The following PTPN3 variants were observed in gnomAD, a reference collection of about 807,000 sequenced individuals.
The protein encoded by PTPN3 is protein tyrosine phosphatase non-receptor type 3.
In PTPN3, 96 loss-of-function variants were observed where a neutral mutation model predicts 132.7. That is an observed-to-expected ratio of 0.72 (90% CI 0.61 to 0.86). The LOEUF (loss-of-function observed/expected upper bound fraction) is 0.86, where lower values mean the gene tolerates loss of function less well. PTPN3 is among the 40% of genes least tolerant of loss of function. The pLI is 0.00. For synonymous variants in PTPN3, 398 were observed against 429.0 expected (o/e 0.93, Z 0.89); for missense variants, 1,125 against 1,159.6 (o/e 0.97, Z 0.43).
At chr9:109,460,007 C>T (rs1845761892) in intron 2 of PTPN3, among the ~76,000 whole-genome samples, 1 of 152,066 alleles carries the variant, frequency 6.6e-6, no homozygotes, top group African/African-American at 2.4e-5. Flanking sequence ...CCAGCCTGGA[C>T]CCATCCCCTA....
chr9:109,425,324 G>T (rs924378212), intron 12 of PTPN3, among the ~76,000 whole-genome samples: 1 of 152,184 alleles, frequency 6.6e-6, no homozygotes, highest in African/African-American at 2.4e-5. Context: ...CCACCTATCA[G>T]AAAGATAATG....
At chr9:109,479,949 A>G (rs549610798) in intron 1 of PTPN3, among the ~76,000 whole-genome samples, 6 of 152,278 alleles carry the variant, frequency 3.9e-5, no homozygotes, top group Middle Eastern at 3.4e-3. Context: ...ACCACAATAT[A>G]AGAGGGTTAC....
chr9:109,395,820 C>CTA (rs1840543674), intron 19 of PTPN3, among the ~76,000 whole-genome samples: 1 of 146,450 alleles, frequency 6.8e-6, no homozygotes, highest in African/African-American at 2.5e-5. Context: ...CTCTCTCTCT[C>CTA]TATATATATG....
chr9:109,401,692 G>A (rs1427229581), intron 19 of PTPN3, among the ~76,000 whole-genome samples: 1 of 152,160 alleles, frequency 6.6e-6, no homozygotes, highest in African/African-American at 2.4e-5. Context: ...CTGAAGGACG[G>A]TGGTCACCTA....
At chr9:109,476,071 A>G (rs1037211555) in intron 1 of PTPN3, among the ~76,000 whole-genome samples, 5 of 152,300 alleles carry the variant, frequency 3.3e-5, no homozygotes, top group Admixed American at 1.3e-4. Flanking sequence ...AGCCCTCTAA[A>G]GCTTTTTCCA....
At chr9:109,515,618 G>A in the PTPN3 span, among the ~76,000 whole-genome samples, 3 of 152,150 alleles carry the variant, frequency 2.0e-5, no homozygotes, top group African/African-American at 7.2e-5. Flanking sequence ...GGTTCTGCAG[G>A]CTGTACAAGA....
At chr9:109,525,942 T>C in the PTPN3 span, among the ~76,000 whole-genome samples, 1 of 152,202 alleles carries the variant, frequency 6.6e-6, no homozygotes. Flanking sequence ...ATAAAACTTA[T>C]TTACAGATTA....
chr9:109,524,280 G>T, the PTPN3 span, among the ~76,000 whole-genome samples: 1 of 97,202 alleles, frequency 1.0e-5, no homozygotes, highest in Non-Finnish European at 2.1e-5. Flanking sequence ...CAACCCAGCT[G>T]CCATTCATTG....
intron 14 of PTPN3, among the ~76,000 whole-genome samples, chr9:109,411,013 T>C (rs1173756102): frequency 6.6e-6 from 1 of 152,206 alleles, no homozygotes; most frequent in African/African-American, 2.4e-5. Flanking sequence ...CTGCACTGTC[T>C]AGTATGGTAG....
chr9:109,531,031 G>C, the PTPN3 span, among the ~76,000 whole-genome samples: 1 of 152,134 alleles, frequency 6.6e-6, no homozygotes, highest in East Asian at 1.9e-4. Context: ...TTTTTACTCT[G>C]TTGAAAGTGT....
the PTPN3 span, among the ~76,000 whole-genome samples, chr9:109,522,919 C>T: frequency 1.0e-3 from 156 of 152,246 alleles, no homozygotes; most frequent in African/African-American, 3.4e-3. Flanking sequence ...AGAACATGAT[C>T]TGTGGGTTTT....
the PTPN3 span, among the ~76,000 whole-genome samples, chr9:109,516,485 A>G: frequency 3.9e-5 from 6 of 152,188 alleles, no homozygotes; most frequent in Non-Finnish European, 7.3e-5. Flanking sequence ...GAAGAAGGTG[A>G]ACAAGCATAT....
At position 109,430,772 on chromosome 9, in the gene PTPN3, C is replaced by G. The variant is rs368953368; in HGVS notation, c.765-2088G>C. On this transcript the variant is annotated intron_variant, in intron 10 of 25. Transcript: ENST00000374541. ...CACTAAGAACTGAGCCTATAGGCTC[C>G]TATGGCCCGTGAAGCCCTCCATGAC... Among the ~76,000 whole-genome samples, 12 of 152,330 alleles carry G rather than the reference C, an allele frequency of 7.9e-5. No homozygotes were observed. In the South Asian group the frequency reaches 1.7e-3, roughly 21 times the overall value.
chr9:109,499,439 G>C (rs998116320), upstream of PTPN3, among the ~76,000 whole-genome samples: 1 of 152,192 alleles, frequency 6.6e-6, no homozygotes, highest in Non-Finnish European at 1.5e-5. Flanking sequence ...CAAGGAGGCA[G>C]AGGAGCAGAT....
At chr9:109,424,723 T>C (rs1843119163) in intron 12 of PTPN3, among the ~76,000 whole-genome samples, 2 of 151,576 alleles carry the variant, frequency 1.3e-5, no homozygotes, top group Admixed American at 6.6e-5. Context: ...GAGAAATCCC[T>C]ATCTACACCA....
At chr9:109,520,146 G>GA in the PTPN3 span, among the ~76,000 whole-genome samples, 1 of 138,244 alleles carries the variant, frequency 7.2e-6, no homozygotes, top group Non-Finnish European at 1.5e-5. Context: ...GTGATACAGC[G>GA]AGAGTCTGTC....
At chr9:109,534,632 C>CAAAAAAA in the PTPN3 span, among the ~76,000 whole-genome samples, 8 of 108,742 alleles carry the variant, frequency 7.4e-5, no homozygotes, top group African/African-American at 7.3e-5. Context: ...CAAAAAAATA[C>CAAAAAAA]AAAAAAAAAA....
chr9:109,397,091 G>A (rs536109759), intron 19 of PTPN3, among the ~76,000 whole-genome samples: 9 of 152,310 alleles, frequency 5.9e-5, no homozygotes, highest in South Asian at 4.1e-4. Context: ...AAGGGGGACC[G>A]GGAATCAAGG....
At chr9:109,484,761 G>A (rs929306634) in intron 1 of PTPN3, among the ~76,000 whole-genome samples, 2 of 152,114 alleles carry the variant, frequency 1.3e-5, no homozygotes, top group African/African-American at 4.8e-5. Flanking sequence ...TGACCCTCCT[G>A]CTGTGGCAAG....
Sources: allele counts gnomAD v4.1 joint callset (sites outside exome capture counted in the v4.1 genomes callset), GRCh38; gene constraint gnomAD v4.1.1; transcripts MANE v1.5; gene names NCBI Gene and HGNC (gene_info 2026-07-23, HGNC 2026-07-21).